Variants in PPM1E observed in about 807,000 individuals in gnomAD.
PPM1E encodes protein phosphatase, Mg2+/Mn2+ dependent 1E.
A neutral mutation model predicts 65.9 loss-of-function variants in PPM1E; 20 were observed. That is an observed-to-expected ratio of 0.30 (90% CI 0.21 to 0.44). The LOEUF (loss-of-function observed/expected upper bound fraction) is 0.44. PPM1E is among the 20% of genes least tolerant of loss of function. The pLI is 1.00. For synonymous variants in PPM1E, 352 were observed against 374.9 expected, an observed-to-expected ratio of 0.94 and a Z score of 0.70; for missense variants, 713 against 953.1, an observed-to-expected ratio of 0.75 and a Z score of 3.32.
intron 1 of PPM1E, among the ~76,000 whole-genome samples, chr17:58,774,926 C>T (rs2049979083): frequency 6.6e-6 from 1 of 151,600 alleles, no homozygotes; most frequent in Non-Finnish European, 1.5e-5. Context: ...GATCTCGGCT[C>T]ACTGCAACCT....
chr17:58,955,513 A>T (rs2029869579), intron 1 of PPM1E, 136 bp from the exon 2 acceptor site: 1 of 988,682 alleles, frequency 1.0e-6, no homozygotes. Context: ...TACTCAATAA[A>T]TATTTATTGA....
chr17:58,765,588 T>C (rs1213807342), intron 1 of PPM1E, among the ~76,000 whole-genome samples: 1 of 152,184 alleles, frequency 6.6e-6, no homozygotes, highest in Admixed American at 6.6e-5. Flanking sequence ...TTTAAAAGAT[T>C]GAGAGTATTC....
rs1467541937 is a variant in PPM1E at position 58,984,191 on chromosome 17, G to T, written c.*3160G>T. On this transcript the variant is annotated 3_prime_UTR_variant, in exon 7 of 7. Coordinates refer to ENST00000308249, the MANE Select transcript of PPM1E (RefSeq NM_014906.5). ...CCTTGAAAGTAACACCTTTTCCAAGGACAATGGCAACAATGTCAATGTCAA... is the reference window on the plus strand; with the variant it reads ...CCTTGAAAGTAACACCTTTTCCAAGTACAATGGCAACAATGTCAATGTCAA... 6.6e-6 allele frequency: 1 copy of T among 152,596 alleles called. No individual in the cohort carries two copies. The highest frequency in any genetic ancestry group is 6.5e-5 in the Admixed American group (1 of 15,286). The allele number at this position is 152,596 out of a possible 1,614,324, so 9.5% of individuals were successfully genotyped here.
At chr17:58,915,631 T>C (rs573567119) in intron 1 of PPM1E, among the ~76,000 whole-genome samples, 85 of 152,304 alleles carry the variant, frequency 5.6e-4, no homozygotes, top group African/African-American at 1.9e-3. Context: ...GTATGGTCAG[T>C]AGATTGTTAG....
At chr17:58,812,814 G>T (rs879596917) in intron 1 of PPM1E, among the ~76,000 whole-genome samples, 3 of 151,960 alleles carry the variant, frequency 2.0e-5, no homozygotes, top group African/African-American at 7.3e-5. Flanking sequence ...TGATCCACCC[G>T]CCTCAGCCTC....
In PPM1E at chr17:58,919,193, TTGTA is replaced by T. The variant is rs150538197; in HGVS notation, c.465-36452_465-36449del. Reference sequence around the variant, plus strand: ...AGAAGATAATGGATAGGAATAGTCATTGTATGTGAGAGAAGGAAGAAAACCATAA... The same window carrying T: ...AGAAGATAATGGATAGGAATAGTCATTGTGAGAGAAGGAAGAAAACCATAA... On this transcript the variant is annotated intron_variant, in intron 1 of 6. Coordinates refer to ENST00000308249, the MANE Select transcript of PPM1E (RefSeq NM_014906.5). Among the ~76,000 whole-genome samples, 451 of 152,180 alleles carry T rather than the reference TTGTA, an allele frequency of 3.0e-3. 3 individuals carry two copies. The highest frequency in any genetic ancestry group is 0.01 in the African/African-American group (436 of 41,528).
At chr17:58,776,989 T>C (rs2050000049) in intron 1 of PPM1E, among the ~76,000 whole-genome samples, 1 of 151,896 alleles carries the variant, frequency 6.6e-6, no homozygotes, top group Admixed American at 6.6e-5. Flanking sequence ...TCCCAACACT[T>C]TGGAGGATGA....
chr17:58,909,660 G>T (rs1197892400), intron 1 of PPM1E, among the ~76,000 whole-genome samples: 2 of 152,158 alleles, frequency 1.3e-5, no homozygotes, highest in Non-Finnish European at 2.9e-5. Context: ...CTGAGGAAAA[G>T]ATAGATACAA....
intron 1 of PPM1E, among the ~76,000 whole-genome samples, chr17:58,900,081 G>A (rs1236370914): frequency 6.6e-6 from 1 of 151,784 alleles, no homozygotes; most frequent in Non-Finnish European, 1.5e-5. Flanking sequence ...AGCAAAGAAA[G>A]TGGTTTCTTA....
chr17:58,966,042 C>A, intron 3 of PPM1E, 149 bp downstream of exon 3: 1 of 777,922 alleles, frequency 1.3e-6, no homozygotes, highest in Non-Finnish European at 2.0e-6. Flanking sequence ...CACAAATTTG[C>A]AACAGAAAAG....
intron 1 of PPM1E, among the ~76,000 whole-genome samples, chr17:58,925,934 A>T (rs2051818551): frequency 6.6e-6 from 1 of 152,168 alleles, no homozygotes. Flanking sequence ...GATTTCATTA[A>T]CTTACATTCT....
chr17:58,766,948 G>T (rs888009128), intron 1 of PPM1E, among the ~76,000 whole-genome samples: 1 of 152,052 alleles, frequency 6.6e-6, no homozygotes, highest in African/African-American at 2.4e-5. Flanking sequence ...CTTTTTCGGG[G>T]TCACATGGAA....
chr17:58,972,295 A>G lies in PPM1E; in HGVS notation c.1116+20A>G. On this transcript the variant is annotated intron_variant, in intron 5 of 6. Transcript: ENST00000308249. ...AGAGAGGTAAGTATGGTCTGTTTTA[A>G]TAGAGCCCATGCTCTAGTTATTAGT... The G allele has an allele frequency of 1.2e-6, 2 of 1,606,438 alleles. No individual in the cohort carries two copies. The highest frequency in any genetic ancestry group is 1.7e-6 in the Non-Finnish European group (2 of 1,175,246).
At chr17:58,945,821 G>C (rs1370959553) in intron 1 of PPM1E, among the ~76,000 whole-genome samples, 1 of 152,190 alleles carries the variant, frequency 6.6e-6, no homozygotes, top group African/African-American at 2.4e-5. Flanking sequence ...TACAGGGTGA[G>C]GTCCTGAAGG....
chr17:58,885,910 C>T (rs2051260042), intron 1 of PPM1E, among the ~76,000 whole-genome samples: 1 of 152,208 alleles, frequency 6.6e-6, no homozygotes, highest in South Asian at 2.1e-4. Flanking sequence ...TTCACATACA[C>T]AGACTTTTAT....
chr17:58,961,701 C>T (rs1401187827), intron 2 of PPM1E, among the ~76,000 whole-genome samples: 1 of 152,188 alleles, frequency 6.6e-6, no homozygotes, highest in African/African-American at 2.4e-5. Context: ...GAAATGCTCC[C>T]TACCTGTGTT....
chr17:58,865,865 T>A lies in PPM1E; in HGVS notation c.465-89784T>A, dbSNP rs116582231. 1.5e-3 allele frequency among the ~76,000 whole-genome samples: 233 copies of A among 152,274 alleles called. 3 individuals are homozygous for A. Among genetic ancestry groups the A allele is most frequent in the African/African-American group, 5.4e-3 (226 of 41,538 alleles). On this transcript the variant is annotated intron_variant, in intron 1 of 6. Coordinates refer to ENST00000308249, the MANE Select transcript of PPM1E (RefSeq NM_014906.5). ...AAAGGCATGATTGTTAGGTGAAAATTTACATCCCTAGGCACAGAATTTAGA... is the reference window on the plus strand; with the variant it reads ...AAAGGCATGATTGTTAGGTGAAAATATACATCCCTAGGCACAGAATTTAGA...
Position 58,979,981 on chromosome 17 carries a change from T to A in PPM1E, c.1218T>A (p.Ala406=). The A allele has an allele frequency of 6.2e-7, 1 of 1,610,442 alleles. No individual in the cohort carries two copies. Among genetic ancestry groups the A allele is most frequent in the Non-Finnish European group, 8.5e-7 (1 of 1,177,254 alleles). The change falls in exon 7 of 7, where the codon GCT becomes GCA. Residue 406 remains alanine, a synonymous_variant. Coordinates refer to ENST00000308249, the MANE Select transcript of PPM1E (RefSeq NM_014906.5). The part of the protein sequence containing the change: ...SLSVSRAIGD[A]EHKPYICGDA... Reference sequence around the variant, plus strand: ...ACACTCTGCTTCCCGCAGGAGATGCTGAACATAAGCCATATATCTGTGGGG... The same window carrying A: ...ACACTCTGCTTCCCGCAGGAGATGCAGAACATAAGCCATATATCTGTGGGG...
At chr17:58,887,377 G>T in intron 1 of PPM1E, among the ~76,000 whole-genome samples, 1 of 152,186 alleles carries the variant, frequency 6.6e-6, no homozygotes, top group East Asian at 1.9e-4. Context: ...ATGTTGGTCA[G>T]GCTGGTCTTG....
Sources: allele counts gnomAD v4.1 joint callset (sites outside exome capture counted in the v4.1 genomes callset), GRCh38; gene constraint gnomAD v4.1.1; transcripts MANE v1.5; gene names NCBI Gene and HGNC (gene_info 2026-07-23, HGNC 2026-07-21).